CLASP1: variants seen among roughly 807,000 people sequenced by gnomAD.
The protein encoded by CLASP1 is CLIP-associating protein 1.
A neutral mutation model predicts 192.3 loss-of-function variants in CLASP1; 38 were observed. The observed-to-expected ratio is 0.20, with a 90% confidence interval of 0.15 to 0.26. CLASP1 has a LOEUF of 0.26. CLASP1 is among the 10% of genes least tolerant of loss of function. CLASP1 has a pLI of 1.00. For missense variants in CLASP1, 1,433 were observed against 1,932.5 expected (o/e 0.74, Z 4.85); for synonymous variants, 691 against 712.8 (o/e 0.97, Z 0.49).
At chr2:121,410,896 T>C (rs766356768) in exon 24 of CLASP1, 3 of 1,612,008 alleles carry the variant, frequency 1.9e-6, no homozygotes, top group Non-Finnish European at 2.5e-6. Context: ...CTTCAAGATC[T>C]GTACTTGTGC....
chr2:121,396,017 T>G (rs2075226509), intron 30 of CLASP1, among the ~76,000 whole-genome samples: 1 of 151,984 alleles, frequency 6.6e-6, no homozygotes, highest in Non-Finnish European at 1.5e-5. Flanking sequence ...CAGCCAAGAG[T>G]GAAAGGAACC....
At chr2:121,514,746 CT>C (rs965386199) in intron 7 of CLASP1, among the ~76,000 whole-genome samples, 5 of 152,294 alleles carry the variant, frequency 3.3e-5, no homozygotes, top group African/African-American at 1.2e-4. Context: ...CAGTTGACTC[CT>C]GTATATTTCA....
chr2:121,341,094 G>A (rs2062726263), intron 39 of CLASP1, 147 bp from the exon 41 acceptor site: 3 of 651,554 alleles, frequency 4.6e-6, no homozygotes, highest in African/African-American at 1.8e-5. Context: ...CATGTTCTGA[G>A]TGCCTGCTGC....
chr2:121,540,742 G>A (rs993421151), intron 2 of CLASP1, among the ~76,000 whole-genome samples: 10 of 151,068 alleles, frequency 6.6e-5, no homozygotes, highest in East Asian at 1.9e-4. Flanking sequence ...AGCCTAGATC[G>A]CGCCACTGCA....
chr2:121,418,234 T>G (rs1376892245), intron 23 of CLASP1, among the ~76,000 whole-genome samples: 1 of 152,246 alleles, frequency 6.6e-6, no homozygotes, highest in East Asian at 1.9e-4. Flanking sequence ...TATAGACTGA[T>G]CTGTAGTAAA....
At chr2:121,549,216 T>C (rs184810352) in intron 2 of CLASP1, among the ~76,000 whole-genome samples, 1 of 152,270 alleles carries the variant, frequency 6.6e-6, no homozygotes, top group East Asian at 1.9e-4. Context: ...ATGACACCCA[T>C]AGGCTCAAAC....
At chr2:121,505,165 C>T (rs553616432) in intron 7 of CLASP1, 1 of 152,266 alleles carries the variant, frequency 6.6e-6, no homozygotes, top group South Asian at 2.1e-4. Context: ...AAGTTAGAGC[C>T]AAGGTATACC....
intron 32 of CLASP1, among the ~76,000 whole-genome samples, chr2:121,383,021 CT>C (rs2072127671): frequency 6.6e-6 from 1 of 152,232 alleles, no homozygotes; most frequent in African/African-American, 2.4e-5. Context: ...CTGAAATTCT[CT>C]GGGGAACACA....
intron 38 of CLASP1, among the ~76,000 whole-genome samples, chr2:121,347,989 G>A (rs1365990371): frequency 7.7e-6 from 1 of 130,188 alleles, no homozygotes; most frequent in Non-Finnish European, 1.5e-5. Flanking sequence ...CTGTCATGTA[G>A]CCCATGGTGA....
chr2:121,443,976 T>C (rs1436226425), intron 19 of CLASP1, among the ~76,000 whole-genome samples: 1 of 152,158 alleles, frequency 6.6e-6, no homozygotes, highest in Non-Finnish European at 1.5e-5. Flanking sequence ...AAATAATATA[T>C]GAAAATGAAC....
Position 121,536,789 on chromosome 2 carries a change from G to A in CLASP1, c.196-6464C>T, listed in dbSNP as rs180892132. 4.6e-5 allele frequency among the ~76,000 whole-genome samples: 7 copies of A among 152,344 alleles called. No individual in the cohort carries two copies. The East Asian group carries it at 1.3e-3, about 29-fold the overall frequency. ...GGTGGCTGCCAGGGATTGTGGAAGG[G>A]AGAAATGAGAGTTATTATTTAATGG... is the stretch of plus-strand genomic sequence containing the variant. On this transcript the variant is annotated intron_variant, in intron 2 of 39. Coordinates refer to ENST00000263710, the Ensembl canonical transcript of CLASP1.
chr2:121,340,503 GA>G (rs879890668), exon 40 of CLASP1: 321 of 189,036 alleles, frequency 1.7e-3, no homozygotes, highest in South Asian at 2.2e-3. Flanking sequence ...GTTATTAACT[GA>G]AAAAAAAAAT....
intron 33 of CLASP1, among the ~76,000 whole-genome samples, chr2:121,379,141 C>T (rs1009569804): frequency 1.3e-5 from 2 of 150,242 alleles, no homozygotes; most frequent in Admixed American, 6.7e-5. Context: ...AAGATGGGAG[C>T]TATTTGTCTA....
chr2:121,368,095 T>C (rs1274615902), intron 34 of CLASP1, among the ~76,000 whole-genome samples: 1 of 152,160 alleles, frequency 6.6e-6, no homozygotes, highest in Non-Finnish European at 1.5e-5. Flanking sequence ...TTTACCAAGA[T>C]GTTTTCTGAG....
chr2:121,415,300 T>A (rs1267656831), intron 23 of CLASP1, among the ~76,000 whole-genome samples: 1 of 152,212 alleles, frequency 6.6e-6, no homozygotes, highest in Non-Finnish European at 1.5e-5. Context: ...GTGCTAATAA[T>A]GGTTAATGGT....
intron 6 of CLASP1, among the ~76,000 whole-genome samples, chr2:121,524,147 C>T (rs1251045464): frequency 1.3e-5 from 2 of 152,202 alleles, no homozygotes; most frequent in African/African-American, 2.4e-5. Context: ...ATTCACATCA[C>T]CTGTCTGGCC....
intron 1 of CLASP1, among the ~76,000 whole-genome samples, chr2:121,620,244 C>T (rs1434822483): frequency 6.6e-6 from 1 of 151,820 alleles, no homozygotes; most frequent in Non-Finnish European, 1.5e-5. Flanking sequence ...AGAAATTACC[C>T]AGAATTAGCA....
intron 1 of CLASP1, among the ~76,000 whole-genome samples, chr2:121,644,870 A>G (rs980498439): frequency 6.6e-6 from 1 of 150,770 alleles, no homozygotes; most frequent in African/African-American, 2.4e-5. Flanking sequence ...AAGCAGGAGG[A>G]TTGATTAAGT....
chr2:121,513,309 T>C (rs1358009271), intron 7 of CLASP1, among the ~76,000 whole-genome samples: 1 of 152,226 alleles, frequency 6.6e-6, no homozygotes, highest in East Asian at 1.9e-4. Flanking sequence ...TGTGGGTCCA[T>C]TTCCCTAAGA....
Sources: gnomAD v4.1 joint callset for allele counts (sites outside exome capture counted in the v4.1 genomes callset) on GRCh38, gnomAD v4.1.1 for gene constraint, MANE v1.5 for transcripts, NCBI Gene and HGNC (gene_info 2026-07-23, HGNC 2026-07-21) for gene names.